COL14A1: variants seen among roughly 807,000 people sequenced by gnomAD.
COL14A1 encodes collagen alpha-1(XIV) chain.
In COL14A1, 136 loss-of-function variants were observed where a neutral mutation model predicts 230.3. That is an observed-to-expected ratio of 0.59 (90% CI 0.51 to 0.68). COL14A1 has a LOEUF of 0.68. Ranked by LOEUF, COL14A1 falls within the 30% of genes least tolerant of loss-of-function variation. The pLI is 0.00. For synonymous variants in COL14A1, 792 were observed against 784.1 expected (o/e 1.01, Z -0.17); for missense variants, 1,976 against 2,215.8 (o/e 0.89, Z 2.17).
Position 120,283,753 on chromosome 8 carries a change from C to A in COL14A1, c.3942C>A (p.Asp1314Glu). The change falls in exon 32 of 48, where the codon GAC becomes GAA. Residue 1314 changes from aspartate to glutamate, a missense_variant. Physicochemically the swap from Asp to Glu is conservative, Grantham distance 45. Transcript: ENST00000297848. ...GGGAGATTTTAAATAAAAATTCTGA[C>A]CCATTGGTTGGGGTTATTTTAGACA... ...ALWEILNKNS[D>E]PLVGVILDNG... is the part of the protein sequence containing the mutation. The A allele has an allele frequency of 6.2e-7, 1 of 1,612,264 alleles. No individual in the cohort carries two copies. The highest frequency in any genetic ancestry group is 8.5e-7 in the Non-Finnish European group (1 of 1,179,458).
chr8:120,361,586 T>A (rs1823218591), intron 45 of COL14A1, among the ~76,000 whole-genome samples: 1 of 152,224 alleles, frequency 6.6e-6, no homozygotes, highest in Admixed American at 6.5e-5. Context: ...GTACTTGCAA[T>A]CCATCACCAG....
chr8:120,176,272 A>T (rs767748978), intron 5 of COL14A1, among the ~76,000 whole-genome samples: 2 of 152,198 alleles, frequency 1.3e-5, no homozygotes, highest in Non-Finnish European at 2.9e-5. Context: ...AGTGGTGAGC[A>T]TGGGAGGCAG....
At chr8:120,262,576 A>G (rs1232862366) in intron 23 of COL14A1, among the ~76,000 whole-genome samples, 1 of 152,238 alleles carries the variant, frequency 6.6e-6, no homozygotes, top group South Asian at 2.1e-4. Flanking sequence ...GGATGTGTGC[A>G]TATAATTACA....
chr8:120,324,735 AT>A (rs1266427165), intron 40 of COL14A1, among the ~76,000 whole-genome samples: 1 of 152,222 alleles, frequency 6.6e-6, no homozygotes, highest in African/African-American at 2.4e-5. Context: ...TAAGGTTAGT[AT>A]CATGACCTAC....
In COL14A1 at chr8:120,209,918, T is replaced by C; in HGVS notation, c.1467+17T>C. ...GAAAAAGAGGTAACCACTTCCTACCTATTACAGTCCTAGAATCTTTTATTT... is the reference window on the plus strand; with the variant it reads ...GAAAAAGAGGTAACCACTTCCTACCCATTACAGTCCTAGAATCTTTTATTT... On this transcript the variant is annotated intron_variant, in intron 12 of 47. Coordinates refer to ENST00000297848, the MANE Select transcript of COL14A1 (RefSeq NM_021110.4). 6.4e-7 allele frequency: 1 copy of C among 1,552,626 alleles called. No homozygotes were observed. Among genetic ancestry groups the C allele is most frequent in the Non-Finnish European group, 8.7e-7 (1 of 1,154,852 alleles).
chr8:120,143,055 C>G (rs1814965146), intron 1 of COL14A1, among the ~76,000 whole-genome samples: 1 of 152,188 alleles, frequency 6.6e-6, no homozygotes, highest in African/African-American at 2.4e-5. Context: ...CTATATTAAT[C>G]TACCCCACTC....
rs906163898 is a variant in COL14A1, at chr8:120,372,488, T to TATTATG, written c.*1258_*1263dup. ...AGGTATTTGAGAAAGATTTGAATTC[T>TATTATG]ATTATGTGCTAGTTGAAATAGAAAC... On this transcript the variant is annotated 3_prime_UTR_variant, in exon 48 of 48. Transcript: ENST00000297848. 3.9e-4 allele frequency among the ~76,000 whole-genome samples: 60 copies of TATTATG among 152,334 alleles called. No homozygotes were observed. Among genetic ancestry groups the TATTATG allele is most frequent in the African/African-American group, 1.4e-3 (58 of 41,590 alleles).
Position 120,369,516 on chromosome 8 carries a change from C to T in COL14A1, c.5311+31C>T, listed in dbSNP as rs201373275. The T allele has an allele frequency of 1.3e-3, 1,928 of 1,504,712 alleles. 3 individuals are homozygous for T. The highest frequency in any genetic ancestry group is 1.6e-3 in the Non-Finnish European group (1,834 of 1,121,250). The allele number at this position is 1,504,712 out of a possible 1,614,324, so 93.2% of individuals were successfully genotyped here. ...TGTCACAAAAAGCCCCGCTTGTGGG[C>T]TTTGATCAATGTTTTAGTATGCTTA... On this transcript the variant is annotated intron_variant, in intron 47 of 47. Transcript: ENST00000297848.
At chr8:120,360,126 C>A (rs905742247) in intron 45 of COL14A1, among the ~76,000 whole-genome samples, 1 of 152,148 alleles carries the variant, frequency 6.6e-6, no homozygotes. Flanking sequence ...AATGATTCAA[C>A]CTGTTTTCCT....
intron 40 of COL14A1, among the ~76,000 whole-genome samples, chr8:120,318,191 A>C (rs1294626843): frequency 1.3e-5 from 2 of 152,214 alleles, no homozygotes; most frequent in Non-Finnish European, 2.9e-5. Flanking sequence ...CCGTGTCTTC[A>C]TTGAGCAGAT....
chr8:120,155,594 A>G (rs925474110), intron 2 of COL14A1, among the ~76,000 whole-genome samples: 1 of 152,152 alleles, frequency 6.6e-6, no homozygotes, highest in Non-Finnish European at 1.5e-5. Flanking sequence ...AATTTCCTAG[A>G]TTGAAGCCTC....
At chr8:120,178,765 C>T (rs540085937) in intron 5 of COL14A1, among the ~76,000 whole-genome samples, 1 of 152,280 alleles carries the variant, frequency 6.6e-6, no homozygotes, top group South Asian at 2.1e-4. Flanking sequence ...TAATAGATTG[C>T]CATTCTAACT....
chr8:120,247,101 T>G (rs535906386), intron 20 of COL14A1, among the ~76,000 whole-genome samples: 1 of 152,198 alleles, frequency 6.6e-6, no homozygotes, highest in Non-Finnish European at 1.5e-5. Context: ...TAAAAGTATT[T>G]TGTTCTAAGA....
intron 23 of COL14A1, among the ~76,000 whole-genome samples, chr8:120,256,803 A>T (rs1464842737): frequency 6.6e-6 from 1 of 152,166 alleles, no homozygotes; most frequent in African/African-American, 2.4e-5. Flanking sequence ...CCTAAGAAAA[A>T]ATTCTAAGTG....
chr8:120,272,466 AGCCT>A (rs1819697556), intron 26 of COL14A1, among the ~76,000 whole-genome samples: 2 of 151,922 alleles, frequency 1.3e-5, no homozygotes, highest in South Asian at 4.1e-4. Flanking sequence ...GAATGTAAAT[AGCCT>A]AAGTGCTCCA....
chr8:120,182,004 T>A (rs532713544), intron 5 of COL14A1, among the ~76,000 whole-genome samples: 1 of 152,096 alleles, frequency 6.6e-6, no homozygotes, highest in African/African-American at 2.4e-5. Context: ...GACAATCAGA[T>A]GAAATTCTTC....
intron 42 of COL14A1, among the ~76,000 whole-genome samples, chr8:120,336,776 T>C (rs1323712036): frequency 1.3e-5 from 2 of 152,192 alleles, no homozygotes; most frequent in Non-Finnish European, 1.5e-5. Context: ...ATATATGCCA[T>C]ACCATTTCAC....
chr8:120,163,367 A>G (rs1248398607), intron 4 of COL14A1, among the ~76,000 whole-genome samples: 2 of 152,198 alleles, frequency 1.3e-5, no homozygotes, highest in East Asian at 3.9e-4. Flanking sequence ...GAGAAAGGAT[A>G]GGGTGTGCAG....
chr8:120,315,611 A>G (rs1563733762), intron 39 of COL14A1, 25 bp downstream of exon 39: 2 of 1,595,688 alleles, frequency 1.3e-6, no homozygotes, highest in Non-Finnish European at 1.7e-6. Context: ...TTTTAAGTCT[A>G]TTGCTCTCAG....
Sources: gnomAD v4.1 joint callset for allele counts (sites outside exome capture counted in the v4.1 genomes callset) on GRCh38, gnomAD v4.1.1 for gene constraint, MANE v1.5 for transcripts, NCBI Gene and HGNC (gene_info 2026-07-23, HGNC 2026-07-21) for gene names.